The following UNC79 variants were observed in gnomAD, a reference collection of about 807,000 sequenced individuals.
UNC79 encodes protein unc-79 homolog.
In UNC79, 37 loss-of-function variants were observed where a neutral mutation model predicts 283.1. The observed-to-expected ratio is 0.13, with a 90% CI of 0.10 to 0.17. UNC79 has a LOEUF of 0.17. Ranked by LOEUF, UNC79 falls within the 10% of genes least tolerant of loss-of-function variation. The pLI, the probability that UNC79 is intolerant of heterozygous loss-of-function variation, is 1.00. For missense variants in UNC79, 2,272 were observed against 3,211.1 expected, an observed-to-expected ratio of 0.71 and a Z score of 7.07; for synonymous variants, 1,107 against 1,200.2, an observed-to-expected ratio of 0.92 and a Z score of 1.61.
chr14:93,346,706 T>C (rs995999416), intron 1 of UNC79, among the ~76,000 whole-genome samples: 8 of 152,138 alleles, frequency 5.3e-5, no homozygotes, highest in Non-Finnish European at 8.8e-5. Flanking sequence ...TGCCAGGGCA[T>C]GTTAAGAGGT....
chr14:93,362,844 T>C (rs1053482408), intron 1 of UNC79, among the ~76,000 whole-genome samples: 3 of 152,150 alleles, frequency 2.0e-5, no homozygotes, highest in African/African-American at 7.2e-5. Context: ...CCTTTTGTTA[T>C]TTCTGCTTGG....
At chr14:93,544,459 C>T (rs1450290420) in intron 14 of UNC79, among the ~76,000 whole-genome samples, 1 of 152,218 alleles carries the variant, frequency 6.6e-6, no homozygotes, top group Non-Finnish European at 1.5e-5. Flanking sequence ...AGGGTTTTCT[C>T]TGGAGACTCT....
intron 2 of UNC79, 124 bp from the exon 3 acceptor site, chr14:93,473,965 T>C: frequency 3.4e-6 from 4 of 1,171,724 alleles, no homozygotes; most frequent in Non-Finnish European, 4.7e-6. Flanking sequence ...CCTGCTGGCG[T>C]GGCAATTGCA....
In UNC79 at chr14:93,603,313, G is replaced by T. The variant is rs746674369; in HGVS notation, c.3649G>T (p.Ala1217Ser). The T allele has an allele frequency of 1.9e-6, 3 of 1,614,064 alleles. No individual in the cohort carries two copies. The East Asian group carries it at 6.7e-5, about 36-fold the overall frequency. ...ATGGAAGATCAAGAGAGCTCGCTTT[G>T]CAAGAAACCGCCAGAAGAGTGTACG... The change falls in exon 26 of 49, where the codon GCA (alanine) becomes TCA (serine). Residue 1217 changes from alanine (A) to serine (S), a missense_variant. Ala to Ser is a moderately conservative substitution (Grantham distance 99). Coordinates refer to ENST00000555664, the Ensembl canonical transcript of UNC79.
chr14:93,568,257 G>C (rs1041730734), intron 14 of UNC79, among the ~76,000 whole-genome samples: 9 of 152,158 alleles, frequency 5.9e-5, no homozygotes, highest in Non-Finnish European at 1.2e-4. Context: ...GTGGGAATGC[G>C]TGAAAGAATG....
chr14:93,356,268 C>T (rs183955184), intron 1 of UNC79, among the ~76,000 whole-genome samples: 5 of 152,296 alleles, frequency 3.3e-5, no homozygotes, highest in East Asian at 3.9e-4. Flanking sequence ...GGTGATCCAC[C>T]GGCCTTGGCC....
chr14:93,654,646 A>G (rs2070725153), intron 37 of UNC79, among the ~76,000 whole-genome samples: 1 of 151,972 alleles, frequency 6.6e-6, no homozygotes, highest in Non-Finnish European at 1.5e-5. Context: ...TAATTAAGAA[A>G]TAGAATTGCA....
rs191323316 is a variant in UNC79 at position 93,577,510 on chromosome 14, G to A, written c.2212-332G>A. On this transcript the variant is annotated intron_variant, in intron 17 of 48. Coordinates refer to ENST00000555664, the Ensembl canonical transcript of UNC79. ...CATTATCTTGCAATATTTTACTTTT[G>A]TAAGTTCTCATTTTTCGGGGTACAA... 7.2e-5 allele frequency among the ~76,000 whole-genome samples: 11 copies of A among 152,236 alleles called. No individual in the cohort carries two copies. In the East Asian group the frequency reaches 1.2e-3, roughly 16 times the overall value.
At chr14:93,609,807 A>T (rs2066166450) in intron 26 of UNC79, among the ~76,000 whole-genome samples, 2 of 152,220 alleles carry the variant, frequency 1.3e-5, no homozygotes, top group African/African-American at 4.8e-5. Context: ...CTTTATGAAG[A>T]GTGCACCAGT....
chr14:93,355,683 C>G (rs1315751597), intron 1 of UNC79, among the ~76,000 whole-genome samples: 1 of 152,220 alleles, frequency 6.6e-6, no homozygotes, highest in Non-Finnish European at 1.5e-5. Context: ...TTGACCACCT[C>G]TTTCCATCCA....
chr14:93,415,785 T>C (rs2140058726), intron 1 of UNC79, among the ~76,000 whole-genome samples: 1 of 151,200 alleles, frequency 6.6e-6, no homozygotes, highest in African/African-American at 2.4e-5. Context: ...CCATTTCTTC[T>C]AGATTTTCTA....
intron 1 of UNC79, among the ~76,000 whole-genome samples, chr14:93,355,033 CTT>C (rs775942790): frequency 1.1e-4 from 16 of 140,242 alleles, no homozygotes; most frequent in Non-Finnish European, 1.1e-4. Flanking sequence ...ATTTTACAGC[CTT>C]TTTTTTTTTT....
intron 44 of UNC79, chr14:93,689,071 C>G: frequency 2.1e-6 from 1 of 467,486 alleles, no homozygotes. Context: ...CTCAATTGTC[C>G]TTTCATGAAG....
chr14:93,603,203 A>G (rs1208260079), intron 25 of UNC79, 36 bp from the exon 26 acceptor site: 1 of 1,608,208 alleles, frequency 6.2e-7, no homozygotes, highest in South Asian at 1.1e-5. Flanking sequence ...CCCTGTGTAA[A>G]GGAGAGTGAT....
At chr14:93,422,395 T>TC in intron 1 of UNC79, among the ~76,000 whole-genome samples, 1 of 147,100 alleles carries the variant, frequency 6.8e-6, no homozygotes, top group Non-Finnish European at 1.5e-5. Flanking sequence ...GTAGCTGGCT[T>TC]CAGAGATAAT....
At chr14:93,339,183 G>A (rs1435528785) in intron 1 of UNC79, among the ~76,000 whole-genome samples, 1 of 152,186 alleles carries the variant, frequency 6.6e-6, no homozygotes, top group African/African-American at 2.4e-5. Context: ...GGGTACAGAT[G>A]TTCACACAGA....
At chr14:93,457,170 C>T (rs1438449381) in intron 1 of UNC79, among the ~76,000 whole-genome samples, 1 of 152,188 alleles carries the variant, frequency 6.6e-6, no homozygotes, top group East Asian at 1.9e-4. Context: ...TTCATTTCTT[C>T]ATTTCTTCAT....
At chr14:93,549,387 G>A (rs538866201) in intron 14 of UNC79, among the ~76,000 whole-genome samples, 9 of 152,222 alleles carry the variant, frequency 5.9e-5, no homozygotes, top group African/African-American at 1.9e-4. Context: ...GAAGCAAAAC[G>A]TGTGCTCAGC....
intron 17 of UNC79, 96 bp downstream of exon 17, chr14:93,575,294 A>G (rs1251025585): frequency 6.6e-6 from 10 of 1,512,656 alleles, no homozygotes; most frequent in East Asian, 2.3e-5. Context: ...TAAGAAACCA[A>G]AAATGTGTTT....
Sources: gnomAD v4.1 joint callset for allele counts (sites outside exome capture counted in the v4.1 genomes callset) on GRCh38, gnomAD v4.1.1 for gene constraint, MANE v1.5 for transcripts, NCBI Gene and HGNC (gene_info 2026-07-23, HGNC 2026-07-21) for gene names.